FIGN: variants seen among roughly 807,000 people sequenced by gnomAD.
FIGN encodes fidgetin, microtubule severing factor, also known as fidgetin.
A neutral mutation model predicts 51.3 loss-of-function variants in FIGN; 11 were observed. That is an observed-to-expected ratio of 0.21 (90% confidence interval 0.13 to 0.35). The LOEUF (loss-of-function observed/expected upper bound fraction) is 0.35, where lower values mean the gene tolerates loss of function less well. FIGN is among the 10% of genes least tolerant of loss of function. The pLI, the probability that FIGN is intolerant of heterozygous loss-of-function variation, is 1.00. For missense variants in FIGN, 857 were observed against 943.6 expected, an observed-to-expected ratio of 0.91 and a Z score of 1.20; for synonymous variants, 407 against 363.2, an observed-to-expected ratio of 1.12 and a Z score of -1.37.
At chr2:163,677,923 G>T (rs1683999380) in intron 2 of FIGN, among the ~76,000 whole-genome samples, 1 of 152,142 alleles carries the variant, frequency 6.6e-6, no homozygotes, top group South Asian at 2.1e-4. Flanking sequence ...TAACGCAATG[G>T]GGTTGTGTGG....
chr2:163,688,588 A>G (rs1684190778), intron 2 of FIGN, among the ~76,000 whole-genome samples: 1 of 152,180 alleles, frequency 6.6e-6, no homozygotes, highest in Non-Finnish European at 1.5e-5. Context: ...CCAGGTTATC[A>G]TAGTTTTAGA....
chr2:163,713,483 G>C (rs77486111), intron 2 of FIGN, among the ~76,000 whole-genome samples: 1 of 151,778 alleles, frequency 6.6e-6, no homozygotes, highest in East Asian at 1.9e-4. Flanking sequence ...GCCTGCCTCT[G>C]GTTATTAAAA....
At chr2:163,698,833 AT>A (rs1427241981) in intron 2 of FIGN, among the ~76,000 whole-genome samples, 1 of 152,162 alleles carries the variant, frequency 6.6e-6, no homozygotes, top group Non-Finnish European at 1.5e-5. Context: ...CATGAAAATC[AT>A]TTCAGATGTT....
In FIGN at chr2:163,610,019, T is replaced by C; in HGVS notation, c.1813A>G (p.Met605Val). The change falls in exon 3 of 3, where the codon ATG becomes GTG. Residue 605 changes from methionine (M) to valine (V), a missense_variant. Physicochemically the swap from Met to Val is conservative, Grantham distance 21 (BLOSUM62 1). Around this residue, in one of 3 missense-constraint regions of FIGN, gnomAD observed 799 missense variants for 849.5 expected, o/e 0.94. Coordinates refer to ENST00000333129, the MANE Select transcript of FIGN (RefSeq NM_018086.4). The stretch of plus-strand genomic sequence containing the variant: ...AGTTGCATCAGAAATTCGGTTCTCA[T>C]CCGACTGACTGGACTATGTTCCTCA... ...VNEEHSPVSR[M>V]RTEFLMQLDT... 1 of 1,614,096 alleles carries C rather than the reference T, an allele frequency of 6.2e-7. No homozygotes were observed. Among genetic ancestry groups the C allele is most frequent in the East Asian group, 2.2e-5 (1 of 44,862 alleles).
At chr2:163,622,775 G>A (rs1682995052) in intron 2 of FIGN, among the ~76,000 whole-genome samples, 1 of 152,024 alleles carries the variant, frequency 6.6e-6, no homozygotes, top group African/African-American at 2.4e-5. Flanking sequence ...ATGTTGCCCA[G>A]GCTGGTCTCA....
intron 2 of FIGN, among the ~76,000 whole-genome samples, chr2:163,639,320 G>A (rs148724491): frequency 1.3e-5 from 2 of 151,928 alleles, no homozygotes. Flanking sequence ...ACCATGACAG[G>A]TTCCAGAAAA....
chr2:163,619,704 A>G (rs1228624804), intron 2 of FIGN, among the ~76,000 whole-genome samples: 1 of 152,168 alleles, frequency 6.6e-6, no homozygotes, highest in Non-Finnish European at 1.5e-5. Context: ...AAGAAATATC[A>G]TTTTTAGACC....
At chr2:163,687,400 C>A (rs1028131974) in intron 2 of FIGN, among the ~76,000 whole-genome samples, 5 of 152,204 alleles carry the variant, frequency 3.3e-5, no homozygotes, top group Admixed American at 3.3e-4. Flanking sequence ...TGTCAATTGA[C>A]ACTTGCCTTT....
At chr2:163,639,357 C>T (rs2105315562) in intron 2 of FIGN, among the ~76,000 whole-genome samples, 1 of 152,174 alleles carries the variant, frequency 6.6e-6, no homozygotes, top group East Asian at 1.9e-4. Context: ...AGTAAGATCA[C>T]TTCTCTGATG....
chr2:163,623,779 G>A (rs1683008276), intron 2 of FIGN, among the ~76,000 whole-genome samples: 1 of 152,046 alleles, frequency 6.6e-6, no homozygotes, highest in Non-Finnish European at 1.5e-5. Flanking sequence ...TGGTGAGGAT[G>A]TTGTATTGTG....
chr2:163,622,332 CA>C (rs994975160), intron 2 of FIGN, among the ~76,000 whole-genome samples: 1 of 151,438 alleles, frequency 6.6e-6, no homozygotes, highest in Non-Finnish European at 1.5e-5. Flanking sequence ...AAGACTGTCT[CA>C]AAAAAAATTA....
rs1308740648 is a variant in FIGN, at chr2:163,604,304, T to C, written c.*5248A>G. ...AAATACTTGGGAATGCTAACACATT[T>C]CTCAGAGATGGGCACATAGGAATAA... On this transcript the variant is annotated 3_prime_UTR_variant, in exon 3 of 3. Transcript: ENST00000333129. The C allele has an allele frequency of 2.6e-5, 4 of 152,134 alleles. No individual in the cohort carries two copies. The highest frequency in any genetic ancestry group is 5.9e-5 in the Non-Finnish European group (4 of 67,998). 9.4% of individuals were successfully genotyped at this position (152,134 alleles called of 1,614,324 possible).
intron 2 of FIGN, among the ~76,000 whole-genome samples, chr2:163,690,472 G>T (rs540632034): frequency 3.3e-5 from 5 of 152,082 alleles, no homozygotes; most frequent in Non-Finnish European, 7.4e-5. Context: ...GCTGTTTTGG[G>T]ATAGAACCAT....
chr2:163,710,309 A>T (rs1311051693), intron 2 of FIGN, among the ~76,000 whole-genome samples: 2 of 152,198 alleles, frequency 1.3e-5, no homozygotes, highest in Non-Finnish European at 2.9e-5. Flanking sequence ...ACAAAGTAAG[A>T]TTTAGCAAGG....
chr2:163,642,994 T>C (rs1683326924), intron 2 of FIGN, among the ~76,000 whole-genome samples: 1 of 151,484 alleles, frequency 6.6e-6, no homozygotes, highest in Non-Finnish European at 1.5e-5. Flanking sequence ...GCAATCCCTA[T>C]CAGAATCCCA....
At chr2:163,679,288 T>C (rs1436015244) in intron 2 of FIGN, among the ~76,000 whole-genome samples, 1 of 151,804 alleles carries the variant, frequency 6.6e-6, no homozygotes, top group East Asian at 1.9e-4. Flanking sequence ...GGTCAGGAGA[T>C]CAAGACCATC....
chr2:163,688,000 C>T (rs6432770), intron 2 of FIGN, among the ~76,000 whole-genome samples: 151,943 of 152,322 alleles, frequency 1, 75,791 homozygotes, highest in Middle Eastern at 1. Flanking sequence ...GTCAACTATA[C>T]GTCACAAAAT....
chr2:163,654,654 G>A (rs1245119709), intron 2 of FIGN, among the ~76,000 whole-genome samples: 3 of 152,122 alleles, frequency 2.0e-5, no homozygotes, highest in African/African-American at 7.2e-5. Flanking sequence ...TCCATTCAGT[G>A]CTAGACTCTA....
intron 2 of FIGN, among the ~76,000 whole-genome samples, chr2:163,660,842 C>T (rs6755841): frequency 8.2e-4 from 31 of 37,938 alleles, no homozygotes; most frequent in African/African-American, 1.5e-3. Flanking sequence ...TACATATATA[C>T]ATATATATAT....
Sources: gnomAD v4.1 joint callset for allele counts (sites outside exome capture counted in the v4.1 genomes callset) on GRCh38, gnomAD v4.1.1 for gene constraint, gnomAD v4.1.1 regional missense constraint, MANE v1.5 for transcripts, NCBI Gene and HGNC (gene_info 2026-07-23, HGNC 2026-07-21) for gene names.